The following FREM3 variants were observed in gnomAD, a reference collection of about 807,000 sequenced individuals.
FREM3 encodes the protein FRAS1 related extracellular matrix 3.
In FREM3, 105 loss-of-function variants were observed where a neutral mutation model predicts 129.1. The observed-to-expected ratio is 0.81, with a 90% CI of 0.69 to 0.96. FREM3 has a LOEUF of 0.96. FREM3 is among the 40% of genes least tolerant of loss of function. FREM3 has a pLI of 0.00. For synonymous variants in FREM3, 1,014 were observed against 1,044.9 expected (o/e 0.97, Z 0.57); for missense variants, 2,593 against 2,666.3 (o/e 0.97, Z 0.61).
At chr4:143,680,316 C>T (rs1221264862) in intron 2 of FREM3, among the ~76,000 whole-genome samples, 2 of 151,140 alleles carry the variant, frequency 1.3e-5, no homozygotes, top group Non-Finnish European at 3.0e-5. Context: ...ATGTAATCTC[C>T]TTTACATCTT....
chr4:143,699,848 GCCCTCAGGCC>G lies in FREM3; in HGVS notation c.818_827del (p.Gly273AlafsTer19), dbSNP rs1740659926. 6.5e-7 allele frequency: 1 copy of G among 1,536,488 alleles called. No individual in the cohort carries two copies. The highest frequency in any genetic ancestry group is 1.4e-5 in the African/African-American group (1 of 73,062). ...GCACACCCGCGGACCCAGCGTCTTG[GCCCTCAGGCC>G]CCAGCAGCTCCACCATCATGGGCAC... is the stretch of plus-strand genomic sequence containing the variant. On this transcript the variant is annotated frameshift_variant, in exon 1 of 8. Transcript: ENST00000329798. LOFTEE classifies it high-confidence loss of function. The surrounding 1 kb of genome is among the most constrained non-coding windows in gnomAD (Gnocchi z 4.2).
At chr4:143,593,583 C>T (rs1330201166) in intron 6 of FREM3, among the ~76,000 whole-genome samples, 7 of 149,708 alleles carry the variant, frequency 4.7e-5, no homozygotes, top group South Asian at 2.1e-4. Flanking sequence ...GCTGCCTGAT[C>T]GTTCCTCTGG....
chr4:143,577,652 T>C lies in FREM3; in HGVS notation c.6379A>G (p.Ile2127Val), dbSNP rs199879494. The C allele has an allele frequency of 1.6e-3, 2,529 of 1,537,382 alleles. 3 individuals carry two copies. The highest frequency in any genetic ancestry group is 2.1e-3 in the Non-Finnish European group (2,405 of 1,146,920). Residue 2127 changes from isoleucine to valine, a missense_variant, in exon 8 of 8, where the codon ATC (isoleucine) becomes GTC (valine). Coordinates refer to ENST00000329798, the MANE Select transcript of FREM3 (RefSeq NM_001168235.2). Reference sequence around the variant, plus strand: ...CAAGCACTCTGCTTACAGTCCGTGATGGTGTCCTCGATGAAAATGGTAGTT... The same window carrying C: ...CAAGCACTCTGCTTACAGTCCGTGACGGTGTCCTCGATGAAAATGGTAGTT... ...NKTTIFIEDT[I>V]TDCKQSACSS... is the part of the protein sequence containing the mutation.
At chr4:143,653,026 T>C (rs1052712844) in intron 2 of FREM3, among the ~76,000 whole-genome samples, 2 of 152,264 alleles carry the variant, frequency 1.3e-5, no homozygotes, top group African/African-American at 4.8e-5. Flanking sequence ...GGCTTGACTC[T>C]ATTTTTTTAT....
chr4:143,683,593 G>A (rs953660028), intron 2 of FREM3, among the ~76,000 whole-genome samples: 6 of 152,218 alleles, frequency 3.9e-5, no homozygotes, highest in Admixed American at 3.9e-4. Flanking sequence ...AGCAGGGGGA[G>A]AACTACACAG....
chr4:143,677,517 G>A (rs1450189209), intron 2 of FREM3, among the ~76,000 whole-genome samples: 1 of 152,128 alleles, frequency 6.6e-6, no homozygotes, highest in South Asian at 2.1e-4. Flanking sequence ...CAAAAGCAAT[G>A]GCAACAGAAG....
At chr4:143,593,449 T>G (rs1578825754) in intron 6 of FREM3, among the ~76,000 whole-genome samples, 1 of 152,244 alleles carries the variant, frequency 6.6e-6, no homozygotes, top group Non-Finnish European at 1.5e-5. Flanking sequence ...GTTTTCCTTC[T>G]AACAGTCAGG....
chr4:143,686,776 G>T (rs1019838195), intron 2 of FREM3, among the ~76,000 whole-genome samples: 1 of 152,024 alleles, frequency 6.6e-6, no homozygotes, highest in African/African-American at 2.4e-5. Context: ...TCTTCGAACC[G>T]AACGACAATA....
At chr4:143,591,892 A>C (rs369368434) in intron 6 of FREM3, among the ~76,000 whole-genome samples, 1 of 152,162 alleles carries the variant, frequency 6.6e-6, no homozygotes, top group Admixed American at 6.5e-5. Flanking sequence ...TTTGTAGGTC[A>C]CTAAGGACTT....
intron 4 of FREM3, among the ~76,000 whole-genome samples, chr4:143,623,562 T>C (rs1195282302): frequency 7.2e-6 from 1 of 138,288 alleles, no homozygotes; most frequent in East Asian, 2.4e-4. Context: ...AGCAGCATGA[T>C]TACTGCTTAG....
At position 143,698,759 on chromosome 4, in the gene FREM3, C is replaced by A. The variant is rs1261136172; in HGVS notation, c.1917G>T (p.Glu639Asp). The stretch of plus-strand genomic sequence containing the variant: ...TCTGTAGCCACTCAGTCACCACTTT[C>A]TCATAAAGCCCTTCCTTTTCCATGT... ...WHYMEKEGLYEKVVTEWLQRD... is the reference protein window; with the variant it reads ...WHYMEKEGLYDKVVTEWLQRD... The change falls in exon 1 of 8, where the codon GAG becomes GAT. Residue 639 changes from glutamate (E) to aspartate (D), a missense_variant. Glu to Asp is a conservative substitution (Grantham distance 45). This residue lies in a region of FREM3 where 2,276 missense variants were observed against 2,267.2 expected (regional missense o/e 1.00). Transcript: ENST00000329798. The A allele has an allele frequency of 1.3e-6, 2 of 1,537,404 alleles. No individual in the cohort carries two copies. Among genetic ancestry groups the A allele is most frequent in the African/African-American group, 1.4e-5 (1 of 73,024 alleles).
rs1578845505 is a variant in FREM3, at chr4:143,637,937, G to T, written c.5276-10177C>A. On this transcript the variant is annotated intron_variant, in intron 2 of 7. Coordinates refer to ENST00000329798, the MANE Select transcript of FREM3 (RefSeq NM_001168235.2). The stretch of plus-strand genomic sequence containing the variant: ...GTGGGGAGAGAAGAAGGTGGCAGGT[G>T]TCAAGACTGCTAGCTCTAATTCTGT... Among the ~76,000 whole-genome samples the T allele has an allele frequency of 5.3e-5, 8 of 152,118 alleles. No individual in the cohort carries two copies. In the South Asian group the frequency reaches 1.7e-3, roughly 31 times the overall value.
intron 7 of FREM3, among the ~76,000 whole-genome samples, chr4:143,578,177 G>A (rs1017763783): frequency 5.9e-5 from 9 of 152,154 alleles, no homozygotes; most frequent in Non-Finnish European, 1.0e-4. Context: ...GAAATGAAAG[G>A]ATTTGCCTTT....
intron 2 of FREM3, among the ~76,000 whole-genome samples, chr4:143,640,487 A>G (rs1436923450): frequency 1.3e-5 from 2 of 152,194 alleles, no homozygotes; most frequent in Non-Finnish European, 2.9e-5. Context: ...CCTGACCAAC[A>G]TGGAGAAACC....
chr4:143,675,156 C>A (rs1740089457), intron 2 of FREM3, among the ~76,000 whole-genome samples: 1 of 152,168 alleles, frequency 6.6e-6, no homozygotes, highest in African/African-American at 2.4e-5. Context: ...CACTCCTCAG[C>A]AAATATAAAA....
At chr4:143,597,594 A>C (rs1387697418) in intron 6 of FREM3, among the ~76,000 whole-genome samples, 2 of 152,240 alleles carry the variant, frequency 1.3e-5, no homozygotes, top group Non-Finnish European at 2.9e-5. Context: ...ATCAACATAC[A>C]AAAATCACTA....
chr4:143,577,592 T>G lies in FREM3; in HGVS notation c.*19A>C. 6.5e-7 allele frequency: 1 copy of G among 1,529,780 alleles called. No homozygotes were observed. The highest frequency in any genetic ancestry group is 8.8e-7 in the Non-Finnish European group (1 of 1,142,148). 94.8% of individuals were successfully genotyped at this position (1,529,780 alleles called of 1,614,324 possible). ...GTTAGGAGACATATCTTGGCTGTTT[T>G]TTTCCCTCTTAAAGTCTTTCAATCA... On this transcript the variant is annotated 3_prime_UTR_variant, in exon 8 of 8. Transcript: ENST00000329798.
chr4:143,683,523 C>T (rs1740295319), intron 2 of FREM3, among the ~76,000 whole-genome samples: 1 of 152,238 alleles, frequency 6.6e-6, no homozygotes, highest in South Asian at 2.1e-4. Flanking sequence ...GCCCTGGGAG[C>T]TCGCTGGTTC....
chr4:143,697,706 G>A lies in FREM3; in HGVS notation c.2970C>T (p.Asp990=). The A allele has an allele frequency of 6.5e-7, 1 of 1,537,718 alleles. No homozygotes were observed. The highest frequency in any genetic ancestry group is 8.7e-7 in the Non-Finnish European group (1 of 1,147,018). The change falls in exon 1 of 8, where the codon GAC becomes GAT. Residue 990 remains aspartate, a synonymous_variant. Transcript: ENST00000329798. ...GDLMLSFIVK[D]SPKLGTILVN... ...CCAGAATAGTGCCCAGTTTGGGGCT[G>A]TCCTTTACAATGAAAGACAGCATCA...
Sources: allele counts gnomAD v4.1 joint callset (sites outside exome capture counted in the v4.1 genomes callset), GRCh38; gene constraint gnomAD v4.1.1; regional missense constraint gnomAD v4.1.1; non-coding constraint Gnocchi (gnomAD v3.1); transcripts MANE v1.5; gene names NCBI Gene and HGNC (gene_info 2026-07-23, HGNC 2026-07-21).